EDA: variants seen among roughly 807,000 people sequenced by gnomAD.
The protein encoded by EDA is ectodysplasin-A.
In EDA, 2 loss-of-function variants were observed where a neutral mutation model predicts 23.6. That is an observed-to-expected ratio of 0.08 (90% confidence interval 0.03 to 0.27). EDA has a LOEUF of 0.27. Among genes scored for constraint, EDA ranks in the 10% least tolerant of loss-of-function variants. EDA has a pLI of 1.00. For missense variants in EDA, 229 were observed against 324.2 expected, an observed-to-expected ratio of 0.71 and a Z score of 2.26; for synonymous variants, 131 against 132.0, an observed-to-expected ratio of 0.99 and a Z score of 0.05.
At chrX:69,970,282 C>G (rs2019230482) in intron 2 of EDA, among the ~76,000 whole-genome samples, 1 of 112,589 alleles carries the variant, frequency 8.9e-6, no homozygotes, top group Admixed American at 9.4e-5. Flanking sequence ...CTCAAGCTAA[C>G]TTTTCTCATT....
At chrX:69,885,300 C>T (rs1394729107) in intron 1 of EDA, among the ~76,000 whole-genome samples, 1 of 111,844 alleles carries the variant, frequency 8.9e-6, no homozygotes, top group Non-Finnish European at 1.9e-5. Context: ...ATCTCCAAAA[C>T]GTTATCATCT....
chrX:69,663,204 T>C (rs1933568188), intron 1 of EDA, among the ~76,000 whole-genome samples: 1 of 111,512 alleles, frequency 9.0e-6, no homozygotes, highest in African/African-American at 3.3e-5. Context: ...GTCTCCAGGG[T>C]ATGTCAGAGG....
chrX:69,878,895 C>T (rs2017693522), intron 1 of EDA, among the ~76,000 whole-genome samples: 1 of 111,116 alleles, frequency 9.0e-6, no homozygotes, highest in Non-Finnish European at 1.9e-5. Flanking sequence ...GTGCATACGA[C>T]TCCTCCAATG....
At chrX:69,769,272 G>T (rs779810153) in intron 1 of EDA, among the ~76,000 whole-genome samples, 2 of 111,751 alleles carry the variant, frequency 1.8e-5, no homozygotes, top group African/African-American at 6.5e-5. Flanking sequence ...GATGAGTAAT[G>T]AAATCTCTGA....
intron 3 of EDA, among the ~76,000 whole-genome samples, chrX:70,026,935 C>T (rs1451363568): frequency 9.1e-6 from 1 of 110,402 alleles, no homozygotes; most frequent in East Asian, 2.9e-4. Flanking sequence ...CCGACTAGCA[C>T]TGTCCCCATC....
chrX:69,850,093 C>A (rs2017094905), intron 1 of EDA, among the ~76,000 whole-genome samples: 1 of 112,254 alleles, frequency 8.9e-6, no homozygotes, highest in Admixed American at 9.5e-5. Context: ...GCAGGCATGA[C>A]CAAACTGCTC....
At chrX:69,728,691 A>G (rs2012903325) in intron 1 of EDA, among the ~76,000 whole-genome samples, 1 of 111,415 alleles carries the variant, frequency 9.0e-6, no homozygotes, top group Admixed American at 9.5e-5. Flanking sequence ...GAGAGGGCTA[A>G]GAGGAAAAGT....
intron 2 of EDA, among the ~76,000 whole-genome samples, chrX:69,971,889 C>T (rs917559167): frequency 9.1e-6 from 1 of 110,364 alleles, no homozygotes; most frequent in Non-Finnish European, 1.9e-5. Flanking sequence ...ACCCTTCTTT[C>T]AAAAAAGAAA....
intron 1 of EDA, among the ~76,000 whole-genome samples, chrX:69,729,734 T>C (rs1278300947): frequency 8.9e-6 from 1 of 111,770 alleles, no homozygotes; most frequent in Non-Finnish European, 1.9e-5. Context: ...CCACCCCTTA[T>C]TCTTAGCAGT....
intron 1 of EDA, among the ~76,000 whole-genome samples, chrX:69,751,736 C>G (rs1394665470): frequency 9.9e-5 from 11 of 111,320 alleles, no homozygotes; most frequent in Non-Finnish European, 1.9e-4. Context: ...TGAAGAGGTC[C>G]TTCACATCCC....
intron 1 of EDA, among the ~76,000 whole-genome samples, chrX:69,837,244 ACAAT>A (rs2016798089): frequency 8.9e-6 from 1 of 111,911 alleles, no homozygotes; most frequent in South Asian, 3.7e-4. Context: ...AGTTAAACCC[ACAAT>A]CAGAGTTGTG....
At chrX:69,674,753 A>G (rs952980259) in intron 1 of EDA, among the ~76,000 whole-genome samples, 2 of 111,521 alleles carry the variant, frequency 1.8e-5, no homozygotes, top group Non-Finnish European at 3.8e-5. Flanking sequence ...ACTTCTTCCA[A>G]TGGCTTCCTA....
intron 1 of EDA, among the ~76,000 whole-genome samples, chrX:69,665,610 C>T (rs1933656820): frequency 9.0e-6 from 1 of 111,209 alleles, no homozygotes; most frequent in Non-Finnish European, 1.9e-5. Flanking sequence ...AAGTAATTGA[C>T]TGTATATGTT....
At chrX:69,952,602 G>A (rs983562132) in intron 1 of EDA, among the ~76,000 whole-genome samples, 11 of 111,813 alleles carry the variant, frequency 9.8e-5, no homozygotes, top group African/African-American at 3.6e-4. Flanking sequence ...TATACAGGCA[G>A]GCAGTTCTCT....
intron 1 of EDA, chrX:69,937,050 G>A: frequency 4.1e-6 from 2 of 489,616 alleles, no homozygotes. Context: ...GCCATGAAAG[G>A]GCGGGGGGAA....
intron 1 of EDA, among the ~76,000 whole-genome samples, chrX:69,783,924 C>A (rs768605413): frequency 9.6e-6 from 1 of 104,149 alleles, no homozygotes; most frequent in Non-Finnish European, 2.0e-5. Flanking sequence ...TAAAAGTGTT[C>A]CTATTTCTCC....
At chrX:69,957,910 T>C (rs773247436) in intron 2 of EDA, among the ~76,000 whole-genome samples, 35 of 111,995 alleles carry the variant, frequency 3.1e-4, no homozygotes, top group African/African-American at 1.1e-3. Flanking sequence ...AGAACTAGTT[T>C]ATAAGTTTCT....
At chrX:69,626,096 A>C (rs1056195947) in intron 1 of EDA, among the ~76,000 whole-genome samples, 2 of 111,864 alleles carry the variant, frequency 1.8e-5, no homozygotes, top group African/African-American at 6.5e-5. Context: ...ACAGAAATTT[A>C]AATTAAAACC....
At chrX:69,829,292 A>T (rs1486161129) in intron 1 of EDA, among the ~76,000 whole-genome samples, 1 of 111,850 alleles carries the variant, frequency 8.9e-6, no homozygotes, top group Non-Finnish European at 1.9e-5. Context: ...TATGGTAAAG[A>T]CATTCTTGGA....
Sources: gnomAD v4.1 joint callset for allele counts (sites outside exome capture counted in the v4.1 genomes callset) on GRCh38, gnomAD v4.1.1 for gene constraint, MANE v1.5 for transcripts, NCBI Gene and HGNC (gene_info 2026-07-23, HGNC 2026-07-21) for gene names.